LRCH3: variants seen among roughly 807,000 people sequenced by gnomAD.
LRCH3 encodes the protein DISP complex protein LRCH3.
A neutral mutation model predicts 104.5 loss-of-function variants in LRCH3; 68 were observed. The observed-to-expected ratio is 0.65, with a 90% CI of 0.54 to 0.80. The LOEUF (loss-of-function observed/expected upper bound fraction) is 0.80, where lower values mean the gene tolerates loss of function less well. Among genes scored for constraint, LRCH3 ranks in the 30% least tolerant of loss-of-function variants. The pLI, the probability that LRCH3 is intolerant of heterozygous loss-of-function variation, is 0.00. For synonymous variants in LRCH3, 344 were observed against 361.3 expected, an observed-to-expected ratio of 0.95 and a Z score of 0.54; for missense variants, 951 against 953.9, an observed-to-expected ratio of 1.00 and a Z score of 0.04.
Position 197,854,323 on chromosome 3 carries a change from T to G in LRCH3, c.1591-69T>G. The G allele has an allele frequency of 7.7e-7, 1 of 1,303,560 alleles. No homozygotes were observed. The highest frequency in any genetic ancestry group is 1.1e-6 in the Non-Finnish European group (1 of 896,566). The allele number at this position is 1,303,560 out of a possible 1,614,324, so 80.7% of individuals were successfully genotyped here. ...ATATGTCTCTTCCCTTGTGTGTGTA[T>G]TCGTGAAATACGTCACACGTGTGCG... On this transcript the variant is annotated intron_variant, in intron 13 of 20. Coordinates refer to ENST00000425562, the MANE Select transcript of LRCH3 (RefSeq NM_001365715.1). The surrounding 1 kb of genome is among the most constrained non-coding windows in gnomAD (Gnocchi z 4.5).
intron 4 of LRCH3, among the ~76,000 whole-genome samples, chr3:197,824,658 C>A (rs949377413): frequency 1.3e-5 from 2 of 150,632 alleles, no homozygotes; most frequent in African/African-American, 4.9e-5. Context: ...CCTCTGCCCC[C>A]CCGTCCCGGG....
intron 1 of LRCH3, among the ~76,000 whole-genome samples, chr3:197,792,904 G>T (rs1379755356): frequency 6.6e-6 from 1 of 151,652 alleles, no homozygotes; most frequent in Non-Finnish European, 1.5e-5. Flanking sequence ...CGCCCGCCTC[G>T]GCCTCCCAAA....
At chr3:197,880,028 C>T (rs1459268212) in intron 20 of LRCH3, among the ~76,000 whole-genome samples, 1 of 150,846 alleles carries the variant, frequency 6.6e-6, no homozygotes, top group African/African-American at 2.5e-5. Flanking sequence ...TCACTGCAAG[C>T]TCCGCCTCCC....
In LRCH3 at chr3:197,833,989, A is replaced by T. The variant is rs568593408; in HGVS notation, c.1102+1672A>T. Among the ~76,000 whole-genome samples the T allele has an allele frequency of 2.0e-5, 3 of 152,354 alleles. No individual in the cohort carries two copies. In the South Asian group the frequency reaches 6.2e-4, roughly 32 times the overall value. ...TTTTTTAGCTATTAATAAAACTCTAATAACTCAAAATTCAATTTTATATTA... is the reference window on the plus strand; with the variant it reads ...TTTTTTAGCTATTAATAAAACTCTATTAACTCAAAATTCAATTTTATATTA... On this transcript the variant is annotated intron_variant, in intron 8 of 20. Coordinates refer to ENST00000425562, the MANE Select transcript of LRCH3 (RefSeq NM_001365715.1).
At chr3:197,879,551 C>T (rs559056459) in intron 20 of LRCH3, among the ~76,000 whole-genome samples, 11 of 151,716 alleles carry the variant, frequency 7.3e-5, no homozygotes, top group South Asian at 2.1e-4. Context: ...GAGGCTGAGG[C>T]GGGAGAATGG....
At chr3:197,850,560 G>A in intron 12 of LRCH3, 2 of 1,587,354 alleles carry the variant, frequency 1.3e-6, no homozygotes, top group Admixed American at 3.3e-5. Flanking sequence ...CCGACCATGA[G>A]CTCTGTAGGT....
intron 5 of LRCH3, among the ~76,000 whole-genome samples, chr3:197,827,886 G>A (rs1735416555): frequency 6.6e-6 from 1 of 151,938 alleles, no homozygotes; most frequent in South Asian, 2.1e-4. Context: ...AGATCATCCT[G>A]GCCAACATGG....
intron 20 of LRCH3, among the ~76,000 whole-genome samples, chr3:197,879,505 G>A (rs1264454717): frequency 6.6e-6 from 1 of 151,378 alleles, no homozygotes; most frequent in Admixed American, 6.5e-5. Context: ...AATTAGCCGG[G>A]CGTGGTGGCG....
At chr3:197,878,773 G>GAA (rs1314292547) in intron 20 of LRCH3, among the ~76,000 whole-genome samples, 48 of 152,344 alleles carry the variant, frequency 3.2e-4, no homozygotes, top group African/African-American at 1.1e-3. Context: ...AGGAAGAGAA[G>GAA]AAACTTCTAC....
intron 4 of LRCH3, among the ~76,000 whole-genome samples, chr3:197,823,908 C>T (rs9869843): frequency 0.038 from 5,746 of 152,212 alleles, 183 homozygotes; most frequent in African/African-American, 0.082. Context: ...GTCACCATAC[C>T]ATGCCTTTAC....
intron 19 of LRCH3, 97 bp from the exon 20 acceptor site, chr3:197,875,601 C>A: frequency 2.4e-6 from 2 of 850,242 alleles, no homozygotes; most frequent in Non-Finnish European, 1.8e-6. Context: ...ATACAGCGAG[C>A]CAGGCTTGCG....
intron 10 of LRCH3, among the ~76,000 whole-genome samples, chr3:197,844,218 G>A (rs1256172923): frequency 6.6e-6 from 1 of 152,164 alleles, no homozygotes; most frequent in African/African-American, 2.4e-5. Flanking sequence ...CTGTGGTTAT[G>A]TTCTATTTCA....
chr3:197,799,869 T>C (rs1311665294), intron 1 of LRCH3, among the ~76,000 whole-genome samples: 1 of 150,428 alleles, frequency 6.6e-6, no homozygotes, highest in Non-Finnish European at 1.5e-5. Context: ...TGAGACTCGC[T>C]CTCAAAACAA....
rs768194807 is a variant in LRCH3, at chr3:197,870,281, A to G, written c.1992+3A>G. On this transcript the variant is annotated splice_donor_region_variant and intron_variant, in intron 18 of 20. Coordinates refer to ENST00000425562, the MANE Select transcript of LRCH3 (RefSeq NM_001365715.1). ...AATTAATAGACCAACTGCGTAAAGT[A>G]TGTACATTACCTTTGATTTACACTT... is the stretch of plus-strand genomic sequence containing the variant. The G allele has an allele frequency of 6.2e-7, 1 of 1,611,696 alleles. No homozygotes were observed. Among genetic ancestry groups the G allele is most frequent in the South Asian group, 1.1e-5 (1 of 90,960 alleles).
chr3:197,854,491 G>A lies in LRCH3; in HGVS notation c.1644+46G>A. On this transcript the variant is annotated intron_variant, in intron 14 of 20. Coordinates refer to ENST00000425562, the MANE Select transcript of LRCH3 (RefSeq NM_001365715.1). The surrounding 1 kb of genome is among the most constrained non-coding windows in gnomAD (Gnocchi z 4.5). ...GGAGTTTCGCATTTCTGTGTTTAGA[G>A]ATTGTACTTTTTATTCAGAAACTAT... 6 of 1,552,206 alleles carry A rather than the reference G, an allele frequency of 3.9e-6. No homozygotes were observed. The highest frequency in any genetic ancestry group is 4.4e-6 in the Non-Finnish European group (5 of 1,123,680).
chr3:197,879,988 C>T (rs1011271595), intron 20 of LRCH3, among the ~76,000 whole-genome samples: 21 of 151,226 alleles, frequency 1.4e-4, no homozygotes, highest in Non-Finnish European at 2.8e-4. Context: ...CTCTGTCACC[C>T]AGGCTGGAGT....
rs927178697 is a variant in LRCH3 at position 197,856,280 on chromosome 3, G to A, written c.1644+1835G>A. ...AATAAACTGACAGGAGCTCCAGTGC[G>A]TTTGATGAAAAGGAGGCCCGGGAAG... On this transcript the variant is annotated intron_variant, in intron 14 of 20. Transcript: ENST00000425562. This position sits in a 1 kb window ranked among gnomAD's most constrained non-coding sequence, Gnocchi z 4.2. Among the ~76,000 whole-genome samples the A allele has an allele frequency of 2.0e-5, 3 of 152,274 alleles. No homozygotes were observed. Among genetic ancestry groups the A allele is most frequent in the East Asian group, 1.9e-4 (1 of 5,194 alleles).
rs759253913 is a variant in LRCH3, at chr3:197,835,650, T to G, written c.1103-24T>G. Reference sequence around the variant, plus strand: ...TTTTTTTCTGGTGTGTGTGTGTGTGTGGGTGTGTGTGTGGTGTATACAGTG... The same window carrying G: ...TTTTTTTCTGGTGTGTGTGTGTGTGGGGGTGTGTGTGTGGTGTATACAGTG... On this transcript the variant is annotated intron_variant, in intron 8 of 20. Transcript: ENST00000425562. The G allele has an allele frequency of 2.5e-5, 40 of 1,589,564 alleles. No individual in the cohort carries two copies. The South Asian group carries it at 3.8e-4, about 15-fold the overall frequency.
At chr3:197,861,436 C>A (rs140393813) in intron 15 of LRCH3, among the ~76,000 whole-genome samples, 163 of 152,308 alleles carry the variant, frequency 1.1e-3, no homozygotes, top group African/African-American at 3.8e-3. Flanking sequence ...TATTCAGAGT[C>A]ATAACTGAGA....
Sources: gnomAD v4.1 joint callset for allele counts (sites outside exome capture counted in the v4.1 genomes callset) on GRCh38, gnomAD v4.1.1 for gene constraint, Gnocchi (gnomAD v3.1) non-coding constraint, MANE v1.5 for transcripts, NCBI Gene and HGNC (gene_info 2026-07-23, HGNC 2026-07-21) for gene names.